NELL2: variants seen among roughly 807,000 people sequenced by gnomAD.
NELL2 encodes protein kinase C-binding protein NELL2.
A neutral mutation model predicts 109.6 loss-of-function variants in NELL2; 41 were observed. The ratio of observed to expected loss-of-function variants is 0.37; its 90% confidence interval spans 0.29 to 0.49. NELL2 has a LOEUF of 0.49. NELL2 is among the 20% of genes least tolerant of loss of function. The pLI is 0.98. For synonymous variants in NELL2, 355 were observed against 344.7 expected (o/e 1.03, Z -0.33); for missense variants, 900 against 1,008.3 (o/e 0.89, Z 1.45).
chr12:44,550,894 G>T (rs1431580263), intron 15 of NELL2, among the ~76,000 whole-genome samples: 2 of 152,096 alleles, frequency 1.3e-5, no homozygotes, highest in African/African-American at 4.8e-5. Flanking sequence ...TGGTTAAACT[G>T]TGCAAAGTTT....
At position 44,866,989 on chromosome 12, in the gene NELL2, GAAT is replaced by G. The variant is rs1453005833; in HGVS notation, c.184+8233_184+8235del. ...CAGACAAATAACTTGTAAGCAAATT[GAAT>G]CAATAATAAAAAGTCCTTCATCAAA... On this transcript the variant is annotated intron_variant, in intron 2 of 19. Transcript: ENST00000429094. Among the ~76,000 whole-genome samples, 4 of 152,114 alleles carry G rather than the reference GAAT, an allele frequency of 2.6e-5. No homozygotes were observed. The East Asian group carries it at 7.7e-4, about 29-fold the overall frequency.
chr12:44,823,163 T>C (rs1288483993), intron 2 of NELL2, among the ~76,000 whole-genome samples: 1 of 152,238 alleles, frequency 6.6e-6, no homozygotes, highest in Non-Finnish European at 1.5e-5. Flanking sequence ...ATGTGTACAA[T>C]GTGATGTTTT....
chr12:44,742,660 A>C (rs1453509179), intron 9 of NELL2, among the ~76,000 whole-genome samples: 1 of 152,256 alleles, frequency 6.6e-6, no homozygotes, highest in Non-Finnish European at 1.5e-5. Context: ...CAAATGCAGA[A>C]GCCTCAGTAG....
intron 1 of NELL2, 94 bp downstream of exon 1, chr12:44,875,721 T>G: frequency 6.2e-7 from 1 of 1,608,598 alleles, no homozygotes; most frequent in Non-Finnish European, 8.5e-7. Context: ...AGACCTACTT[T>G]GGGTCCGGGA....
intron 15 of NELL2, among the ~76,000 whole-genome samples, chr12:44,585,573 T>C (rs1781046622): frequency 6.6e-6 from 1 of 152,208 alleles, no homozygotes; most frequent in Non-Finnish European, 1.5e-5. Context: ...TAGAACGCTA[T>C]GTTCTCAAGA....
intron 9 of NELL2, among the ~76,000 whole-genome samples, chr12:44,764,750 C>G (rs1941261097): frequency 6.6e-6 from 1 of 151,978 alleles, no homozygotes; most frequent in South Asian, 2.1e-4. Context: ...TTATGAGAAA[C>G]AAGAGCTTTC....
At chr12:44,571,040 C>G (rs948583421) in intron 15 of NELL2, among the ~76,000 whole-genome samples, 12 of 151,956 alleles carry the variant, frequency 7.9e-5, no homozygotes, top group Admixed American at 7.9e-4. Context: ...TTAATAGGCT[C>G]GAAGCACAGC....
At chr12:44,782,757 G>T (rs1942012708) in intron 3 of NELL2, among the ~76,000 whole-genome samples, 1 of 151,884 alleles carries the variant, frequency 6.6e-6, no homozygotes. Flanking sequence ...AGCAAAAACT[G>T]ATAGAATTGA....
intron 12 of NELL2, among the ~76,000 whole-genome samples, chr12:44,693,108 T>C (rs1948948477): frequency 6.6e-6 from 1 of 152,168 alleles, no homozygotes; most frequent in African/African-American, 2.4e-5. Flanking sequence ...ACAAATTTCA[T>C]CGTTATCTTA....
intron 12 of NELL2, among the ~76,000 whole-genome samples, chr12:44,668,570 G>A (rs765618054): frequency 1.2e-4 from 18 of 152,006 alleles, no homozygotes; most frequent in South Asian, 4.1e-4. Context: ...TGGTGCCCAC[G>A]TGCACTATCA....
At chr12:44,608,952 T>A (rs1451157939) in intron 14 of NELL2, among the ~76,000 whole-genome samples, 1 of 150,828 alleles carries the variant, frequency 6.6e-6, no homozygotes, top group Non-Finnish European at 1.5e-5. Flanking sequence ...CATACTATGA[T>A]AAAGTTTAAA....
chr12:44,579,417 T>C (rs1251786423), intron 15 of NELL2, among the ~76,000 whole-genome samples: 1 of 152,222 alleles, frequency 6.6e-6, no homozygotes, highest in East Asian at 1.9e-4. Context: ...TAGATAACGA[T>C]TTTGTTCTGA....
intron 13 of NELL2, among the ~76,000 whole-genome samples, chr12:44,658,745 A>C (rs1947604409): frequency 6.6e-6 from 1 of 151,694 alleles, no homozygotes. Context: ...GTGAGGTGGC[A>C]GGCGCCTGTA....
chr12:44,747,580 A>T (rs1361442038), intron 9 of NELL2, among the ~76,000 whole-genome samples: 1 of 152,108 alleles, frequency 6.6e-6, no homozygotes, highest in Non-Finnish European at 1.5e-5. Context: ...ATCTGGCAGG[A>T]ATCCAAATTT....
chr12:44,588,835 T>C (rs1944640047), intron 15 of NELL2, among the ~76,000 whole-genome samples: 2 of 152,216 alleles, frequency 1.3e-5, no homozygotes. Context: ...ACAGGAACTC[T>C]GTATCCATTA....
At chr12:44,648,729 ATATTTT>A (rs1262073497) in intron 13 of NELL2, among the ~76,000 whole-genome samples, 1,402 of 100,470 alleles carry the variant, frequency 0.014, 14 homozygotes, top group African/African-American at 0.06. Flanking sequence ...ATATATATAT[ATATTTT>A]TTTTTTTTTT....
intron 12 of NELL2, among the ~76,000 whole-genome samples, chr12:44,693,974 T>C (rs61577923): frequency 0.029 from 4,367 of 152,278 alleles, 192 homozygotes; most frequent in African/African-American, 0.097. Context: ...AATGGATAGA[T>C]GAAGCCATTA....
chr12:44,687,226 C>T lies in NELL2; in HGVS notation c.1318+16500G>A, dbSNP rs141248899. Among the ~76,000 whole-genome samples the T allele has an allele frequency of 2.4e-3, 365 of 151,912 alleles. 2 individuals carry two copies. The East Asian group carries it at 0.026, about 11-fold the overall frequency. ...GGAAAGGGAACTCCCTGACCCCTTG[C>T]GCTTCCCGAGTGAGGCAATGCCGCG... On this transcript the variant is annotated intron_variant, in intron 12 of 19. Transcript: ENST00000429094.
chr12:44,776,928 A>T (rs561116292), intron 7 of NELL2, 114 bp downstream of exon 7: 1 of 852,230 alleles, frequency 1.2e-6, no homozygotes, highest in African/African-American at 1.7e-5. Flanking sequence ...CAGTCCTAGC[A>T]AACAGTATAG....
Sources: gnomAD v4.1 joint callset for allele counts (sites outside exome capture counted in the v4.1 genomes callset) on GRCh38, gnomAD v4.1.1 for gene constraint, MANE v1.5 for transcripts, NCBI Gene and HGNC (gene_info 2026-07-23, HGNC 2026-07-21) for gene names.